DAW1: variants seen among roughly 807,000 people sequenced by gnomAD.
DAW1 encodes the protein dynein assembly factor with WD repeats 1.
In DAW1, 47 loss-of-function variants were observed where a neutral mutation model predicts 56.5. The ratio of observed to expected loss-of-function variants is 0.83; its 90% CI spans 0.66 to 1.06. DAW1 has a LOEUF of 1.06. Ranked by LOEUF, DAW1 falls within the 50% of genes least tolerant of loss-of-function variation. The pLI, the probability that DAW1 is intolerant of heterozygous loss-of-function variation, is 0.00. For synonymous variants in DAW1, 190 were observed against 179.0 expected, an observed-to-expected ratio of 1.06 and a Z score of -0.49; for missense variants, 505 against 499.3, an observed-to-expected ratio of 1.01 and a Z score of -0.11.
chr2:227,883,258 C>G (rs1035640905), intron 1 of DAW1, among the ~76,000 whole-genome samples: 3 of 152,154 alleles, frequency 2.0e-5, no homozygotes, highest in African/African-American at 7.2e-5. Context: ...TTGTTTACCA[C>G]CATAATCTTG....
chr2:227,886,551 A>G (rs1000009704), intron 2 of DAW1, among the ~76,000 whole-genome samples: 2 of 152,150 alleles, frequency 1.3e-5, no homozygotes, highest in African/African-American at 4.8e-5. Context: ...CAGGAGGCAG[A>G]GGTTGCAGTG....
chr2:227,885,507 G>A (rs1422273615), intron 2 of DAW1, 84 bp downstream of exon 2: 9 of 988,378 alleles, frequency 9.1e-6, no homozygotes, highest in African/African-American at 1.7e-5. Flanking sequence ...TGCATAAACT[G>A]CAGATAATAC....
chr2:227,921,649 A>C, intron 12 of DAW1, 88 bp downstream of exon 12: 2 of 1,365,958 alleles, frequency 1.5e-6, no homozygotes, highest in Middle Eastern at 1.9e-4. Context: ...GTTCATCCCC[A>C]TTCCCTACCT....
In DAW1 at chr2:227,910,776, A is replaced by G. The variant is rs184085574; in HGVS notation, c.973+3524A>G. 4.6e-5 allele frequency among the ~76,000 whole-genome samples: 7 copies of G among 152,224 alleles called. No individual in the cohort carries two copies. The East Asian group carries it at 9.7e-4, about 21-fold the overall frequency. On this transcript the variant is annotated intron_variant, in intron 10 of 12. Coordinates refer to ENST00000309931, the MANE Select transcript of DAW1 (RefSeq NM_178821.3). ...TTTGGAAAACAGGGTATGATGATAC[A>G]ATATTTTTGCATCATTTCCCTGACT...
At position 227,891,282 on chromosome 2, in the gene DAW1, A is replaced by T. The variant is rs747791548; in HGVS notation, c.286A>T (p.Thr96Ser). ...KVLKAHILPL[T>S]NVALNKSGSC... is the part of the protein sequence containing the mutation. ...TCTCAAAGCACATATATTGCCACTGACTAATGTTGCACTTAACAAATCGGG... is the reference window on the plus strand; with the variant it reads ...TCTCAAAGCACATATATTGCCACTGTCTAATGTTGCACTTAACAAATCGGG... Residue 96 changes from threonine (T) to serine (S), a missense_variant, in exon 4 of 13, where the codon ACT (threonine) becomes TCT (serine). Coordinates refer to ENST00000309931, the MANE Select transcript of DAW1 (RefSeq NM_178821.3). 6.2e-7 allele frequency: 1 copy of T among 1,613,550 alleles called. No homozygotes were observed. The highest frequency in any genetic ancestry group is 8.5e-7 in the Non-Finnish European group (1 of 1,179,808).
Position 227,924,077 on chromosome 2 carries a change from A to G in DAW1, c.*109A>G, listed in dbSNP as rs1692170714. On this transcript the variant is annotated 3_prime_UTR_variant, in exon 13 of 13. Coordinates refer to ENST00000309931, the MANE Select transcript of DAW1 (RefSeq NM_178821.3). The stretch of plus-strand genomic sequence containing the variant: ...TTCTTATACTTTCTCTTTTTCTGCA[A>G]GTCAACTATTTCTACAACTGTCCTT... 2 of 1,315,940 alleles carry G rather than the reference A, an allele frequency of 1.5e-6. No homozygotes were observed. The highest frequency in any genetic ancestry group is 2.5e-5 in the East Asian group (1 of 40,178). 81.5% of individuals were successfully genotyped at this position (1,315,940 alleles called of 1,614,324 possible).
chr2:227,886,260 G>C (rs137960563), intron 2 of DAW1, among the ~76,000 whole-genome samples: 99 of 152,186 alleles, frequency 6.5e-4, no homozygotes, highest in Non-Finnish European at 1.0e-3. Context: ...CTGAAGCTTG[G>C]TATTAGCCCA....
rs1003401817 is a variant in DAW1, at chr2:227,893,871, G to A, written c.394G>A (p.Gly132Ser). The change falls in exon 5 of 13, where the codon GGC (glycine) becomes AGC (serine). Residue 132 changes from glycine (G) to serine (S), a missense_variant. Gly to Ser is a moderately conservative substitution (Grantham distance 56). Coordinates refer to ENST00000309931, the MANE Select transcript of DAW1 (RefSeq NM_178821.3). ...TGGAGAGGAGCTGAACACGCTGGAGGGCCACAGGAATGTGGTTTATGCCAT... is the reference window on the plus strand; with the variant it reads ...TGGAGAGGAGCTGAACACGCTGGAGAGCCACAGGAATGTGGTTTATGCCAT... ...ASGEELNTLE[G>S]HRNVVYAIAF... 3.7e-6 allele frequency: 6 copies of A among 1,613,756 alleles called. No individual in the cohort carries two copies. In the African/African-American group the frequency reaches 6.7e-5, roughly 18 times the overall value.
chr2:227,882,114 A>T (rs911517376), intron 1 of DAW1, among the ~76,000 whole-genome samples: 19 of 152,090 alleles, frequency 1.2e-4, no homozygotes, highest in African/African-American at 4.6e-4. Flanking sequence ...TTTTGGCAAC[A>T]TTTCCTATTT....
intron 2 of DAW1, chr2:227,889,433 G>A (rs74724230): frequency 0.05 from 7,688 of 152,778 alleles, 688 homozygotes; most frequent in African/African-American, 0.18. Flanking sequence ...TTGTTATCAG[G>A]GCTTCTAATC....
In DAW1 at chr2:227,907,175, T is replaced by A. The variant is rs1691706381; in HGVS notation, c.896T>A (p.Leu299Ter). The A allele has an allele frequency of 6.2e-7, 1 of 1,613,634 alleles. No individual in the cohort carries two copies. Among genetic ancestry groups the A allele is most frequent in the African/African-American group, 1.3e-5 (1 of 75,024 alleles). Residue 299 changes from leucine to a stop codon, truncating the protein, a stop_gained, in exon 10 of 13, where the codon TTA becomes TAA. Coordinates refer to ENST00000309931, the MANE Select transcript of DAW1 (RefSeq NM_178821.3). LOFTEE classifies it high-confidence loss of function. ...DATNGKCVATLTGHDDEILDS... is the reference protein window; with the variant it reads ...DATNGKCVAT The stretch of plus-strand genomic sequence containing the variant: ...ACAAATGGAAAATGTGTGGCAACCT[T>A]AACAGGCCATGATGATGAAATACTA...
At chr2:227,885,647 G>T (rs1199035683) in intron 2 of DAW1, among the ~76,000 whole-genome samples, 2 of 108,998 alleles carry the variant, frequency 1.8e-5, no homozygotes, top group Non-Finnish European at 4.2e-5. Flanking sequence ...TTTTTCTAAG[G>T]TCTTAAAAAA....
intron 2 of DAW1, among the ~76,000 whole-genome samples, chr2:227,887,395 A>G (rs1411865149): frequency 6.6e-6 from 1 of 152,210 alleles, no homozygotes; most frequent in African/African-American, 2.4e-5. Context: ...GCAATTATGT[A>G]TATGTACCTT....
intron 10 of DAW1, among the ~76,000 whole-genome samples, 183 bp from the exon 11 acceptor site, chr2:227,918,597 C>T (rs918727845): frequency 6.6e-6 from 1 of 152,204 alleles, no homozygotes; most frequent in Non-Finnish European, 1.5e-5. Context: ...CTCTCACCCT[C>T]TCCTGCAATG....
At chr2:227,891,033 A>G (rs1166427803) in intron 3 of DAW1, among the ~76,000 whole-genome samples, 2 of 152,242 alleles carry the variant, frequency 1.3e-5, no homozygotes, top group Non-Finnish European at 2.9e-5. Flanking sequence ...CTACATACCC[A>G]GTTTATACAT....
intron 6 of DAW1, among the ~76,000 whole-genome samples, chr2:227,901,871 T>TACA (rs1357028086): frequency 1.4e-4 from 22 of 152,268 alleles, no homozygotes; most frequent in Admixed American, 1.3e-3. Context: ...GGATCTAGTC[T>TACA]ACAGGGAAGG....
chr2:227,914,936 T>A (rs927950543), intron 10 of DAW1, among the ~76,000 whole-genome samples: 1 of 152,130 alleles, frequency 6.6e-6, no homozygotes, highest in Admixed American at 6.5e-5. Context: ...CTATACTATG[T>A]CTGTATCATC....
chr2:227,922,121 C>T (rs1235334589), intron 12 of DAW1, among the ~76,000 whole-genome samples: 1 of 152,206 alleles, frequency 6.6e-6, no homozygotes, highest in East Asian at 1.9e-4. Context: ...CCACTGCACT[C>T]CAGTCTGGGT....
chr2:227,914,713 G>A (rs1164675049), intron 10 of DAW1, among the ~76,000 whole-genome samples: 6 of 152,020 alleles, frequency 3.9e-5, no homozygotes, highest in African/African-American at 9.6e-5. Flanking sequence ...CATGTATTGT[G>A]CTACATCTTA....
Sources: allele counts gnomAD v4.1 joint callset (sites outside exome capture counted in the v4.1 genomes callset), GRCh38; gene constraint gnomAD v4.1.1; transcripts MANE v1.5; gene names NCBI Gene and HGNC (gene_info 2026-07-23, HGNC 2026-07-21).